Variants in ZCWPW1 observed in about 807,000 individuals in gnomAD.
ZCWPW1 encodes zinc finger CW-type and PWWP domain containing 1.
A neutral mutation model predicts 81.3 loss-of-function variants in ZCWPW1; 56 were observed. The ratio of observed to expected loss-of-function variants is 0.69; its 90% confidence interval spans 0.56 to 0.86. The LOEUF is 0.86. ZCWPW1 is among the 40% of genes least tolerant of loss of function. The pLI, the probability that ZCWPW1 is intolerant of heterozygous loss-of-function variation, is 0.00. For synonymous variants in ZCWPW1, 250 were observed against 273.7 expected, an observed-to-expected ratio of 0.91 and a Z score of 0.86; for missense variants, 650 against 769.8, an observed-to-expected ratio of 0.84 and a Z score of 1.84.
intron 17 of ZCWPW1, 105 bp downstream of exon 17, chr7:100,401,784 T>C (rs1334064332): frequency 7.1e-7 from 1 of 1,402,060 alleles, no homozygotes; most frequent in Non-Finnish European, 9.7e-7. Context: ...TCATTCATTC[T>C]GTAAAGTAAT....
intron 11 of ZCWPW1, 143 bp from the exon 12 acceptor site, chr7:100,406,941 C>T: frequency 1.3e-6 from 1 of 741,796 alleles, no homozygotes; most frequent in Non-Finnish European, 2.2e-6. Flanking sequence ...GACTCATCTA[C>T]CCTACCCTCG....
chr7:100,416,996 T>C (rs933117652), intron 6 of ZCWPW1, 70 bp downstream of exon 6: 27 of 1,097,644 alleles, frequency 2.5e-5, no homozygotes, highest in African/African-American at 1.1e-4. Flanking sequence ...GACAGACAGA[T>C]AGATAGACTG....
At position 100,420,508 on chromosome 7, in the gene ZCWPW1, G is replaced by T; in HGVS notation, c.28+114C>A. 3 of 1,236,236 alleles carry T rather than the reference G, an allele frequency of 2.4e-6. No homozygotes were observed. In the South Asian group the frequency reaches 3.8e-5, roughly 16 times the overall value. The allele number at this position is 1,236,236 out of a possible 1,614,324, so 76.6% of individuals were successfully genotyped here. ...AAAGCATCTAGCAGAGCAGTAATTT[G>T]ACCTGAGTGGGCACAGAATATAGGG... On this transcript the variant is annotated intron_variant, in intron 3 of 17. Coordinates refer to ENST00000684423, the MANE Select transcript of ZCWPW1 (RefSeq NM_001386010.1).
At chr7:100,412,391 C>T (rs375135345) in intron 8 of ZCWPW1, among the ~76,000 whole-genome samples, 2 of 152,120 alleles carry the variant, frequency 1.3e-5, no homozygotes, top group African/African-American at 2.4e-5. Flanking sequence ...TTTCTTCCTC[C>T]GCTCTTTCCC....
At chr7:100,409,802 G>A (rs1563135633) in intron 8 of ZCWPW1, among the ~76,000 whole-genome samples, 2 of 152,178 alleles carry the variant, frequency 1.3e-5, no homozygotes, top group South Asian at 4.1e-4. Flanking sequence ...TCCTGTACTA[G>A]GCTACCATGT....
intron 8 of ZCWPW1, among the ~76,000 whole-genome samples, chr7:100,412,665 T>C (rs1194402368): frequency 1.3e-5 from 2 of 152,168 alleles, no homozygotes; most frequent in Non-Finnish European, 2.9e-5. Context: ...CACTGCAAGC[T>C]CTGCCTCCTG....
At chr7:100,427,485 A>G (rs905017603) in intron 1 of ZCWPW1, among the ~76,000 whole-genome samples, 5 of 151,810 alleles carry the variant, frequency 3.3e-5, no homozygotes, top group Admixed American at 2.6e-4. Flanking sequence ...GGATCACCTA[A>G]GGTCAGGAGT....
At chr7:100,425,461 G>A (rs1036763600) in intron 1 of ZCWPW1, among the ~76,000 whole-genome samples, 15 of 152,084 alleles carry the variant, frequency 9.9e-5, no homozygotes, top group Non-Finnish European at 1.5e-4. Context: ...GGGAACCAAG[G>A]GAAGGTGAAT....
At chr7:100,405,203 G>A in intron 12 of ZCWPW1, 110 bp from the exon 13 acceptor site, 1 of 977,194 alleles carries the variant, frequency 1.0e-6, no homozygotes, top group Non-Finnish European at 1.5e-6. Context: ...GCCGAGTCAG[G>A]TAGATCACGA....
chr7:100,401,127 G>A lies in ZCWPW1; in HGVS notation c.1837C>T (p.Leu613=), dbSNP rs145308367. Residue 613 remains leucine, a synonymous_variant, in exon 18 of 18, where the codon CTG becomes TTG. Coordinates refer to ENST00000684423, the MANE Select transcript of ZCWPW1 (RefSeq NM_001386010.1). Reference sequence around the variant, plus strand: ...TCTTCCATGAGTTGCTCCAGGTCCAGGTCACTGGAGGCTTCGTCCTCAAGG... The same window carrying A: ...TCTTCCATGAGTTGCTCCAGGTCCAAGTCACTGGAGGCTTCGTCCTCAAGG... ...VPLEDEASSD[L]DLEQLMEDVG... 11,604 of 1,614,226 alleles carry A rather than the reference G, an allele frequency of 7.2e-3. 46 individuals carry two copies. Among genetic ancestry groups the A allele is most frequent in the Non-Finnish European group, 8.8e-3 (10,427 of 1,180,026 alleles).
chr7:100,402,155 T>A, intron 16 of ZCWPW1, 114 bp from the exon 17 acceptor site: 2 of 1,367,818 alleles, frequency 1.5e-6, no homozygotes, highest in Non-Finnish European at 2.0e-6. Flanking sequence ...AGTTGCAATC[T>A]AGTGAGTTTT....
At chr7:100,416,756 G>A (rs1795298263) in intron 6 of ZCWPW1, among the ~76,000 whole-genome samples, 1 of 152,020 alleles carries the variant, frequency 6.6e-6, no homozygotes. Flanking sequence ...GACCAACCTG[G>A]CTGATATGGT....
rs1792129457 is a variant in ZCWPW1, at chr7:100,402,507, C to T, written c.1474+9G>A. Reference sequence around the variant, plus strand: ...TGGGTTGTGCTCCATTTCCAGCTGGCCTGCTTACCTCTTGGCTTGGTTTTT... The same window carrying T: ...TGGGTTGTGCTCCATTTCCAGCTGGTCTGCTTACCTCTTGGCTTGGTTTTT... On this transcript the variant is annotated intron_variant, in intron 16 of 17. Transcript: ENST00000684423. 6.2e-7 allele frequency: 1 copy of T among 1,614,066 alleles called. No individual in the cohort carries two copies. The highest frequency in any genetic ancestry group is 1.7e-5 in the Admixed American group (1 of 60,014).
chr7:100,420,768 A>C, intron 2 of ZCWPW1, 90 bp from the exon 3 acceptor site: 2 of 1,267,486 alleles, frequency 1.6e-6, no homozygotes, highest in Non-Finnish European at 2.2e-6. Flanking sequence ...TCTTTGTTTC[A>C]GACCTCTGAA....
In ZCWPW1 at chr7:100,415,987, T is replaced by C; in HGVS notation, c.742A>G (p.Ile248Val). Reference protein sequence around the residue: ...SQIRDQQKGEISGFGQCLVWV... With the variant: ...SQIRDQQKGEVSGFGQCLVWV... Reference sequence around the variant, plus strand: ...CAGCTAAACTCACCAAAACCACTTATCTCTCCTTTTTGCTGGTCCCTGATC... The same window carrying C: ...CAGCTAAACTCACCAAAACCACTTACCTCTCCTTTTTGCTGGTCCCTGATC... The change falls in exon 8 of 18, where the codon ATA becomes GTA. Residue 248 changes from isoleucine to valine, a missense_variant. Coordinates refer to ENST00000684423, the MANE Select transcript of ZCWPW1 (RefSeq NM_001386010.1). 4 of 1,614,158 alleles carry C rather than the reference T, an allele frequency of 2.5e-6. No individual in the cohort carries two copies. Among genetic ancestry groups the C allele is most frequent in the African/African-American group, 1.3e-5 (1 of 75,066 alleles).
intron 10 of ZCWPW1, among the ~76,000 whole-genome samples, 187 bp from the exon 11 acceptor site, chr7:100,407,490 G>A (rs1362187839): frequency 2.0e-5 from 3 of 152,038 alleles, no homozygotes; most frequent in African/African-American, 7.2e-5. Context: ...TCTGTCAGGC[G>A]CAAGTGATCC....
At position 100,401,965 on chromosome 7, in the gene ZCWPW1, G is replaced by A; in HGVS notation, c.1551C>T (p.Gly517=). 6.2e-7 allele frequency: 1 copy of A among 1,614,112 alleles called. No individual in the cohort carries two copies. Among genetic ancestry groups the A allele is most frequent in the Non-Finnish European group, 8.5e-7 (1 of 1,180,020 alleles). ...LQRKIMKRSL[G]RKSTAPPAPR... ...GTGCAGGAGGAGCTGTGGATTTCCT[G>A]CCTAGAGATCTCTTCATTATCTTCC... The change falls in exon 17 of 18, where the codon GGC becomes GGT. Residue 517 remains glycine (G), a synonymous_variant. Transcript: ENST00000684423.
At chr7:100,409,301 C>T (rs1793710971) in intron 9 of ZCWPW1, 127 bp downstream of exon 9, 1 of 733,108 alleles carries the variant, frequency 1.4e-6, no homozygotes, top group Non-Finnish European at 2.2e-6. Flanking sequence ...TCCTTCCTCT[C>T]TCCCAAGCAC....
intron 15 of ZCWPW1, among the ~76,000 whole-genome samples, chr7:100,403,440 C>A (rs1453455077): frequency 6.6e-6 from 1 of 152,006 alleles, no homozygotes; most frequent in East Asian, 2.0e-4. Context: ...TGGTCTCGAT[C>A]TCCTGACCTC....
Sources: allele counts gnomAD v4.1 joint callset (sites outside exome capture counted in the v4.1 genomes callset), GRCh38; gene constraint gnomAD v4.1.1; transcripts MANE v1.5; gene names NCBI Gene and HGNC (gene_info 2026-07-23, HGNC 2026-07-21).